JPH4: variants seen among roughly 807,000 people sequenced by gnomAD.
JPH4 encodes junctophilin-4.
In JPH4, 18 loss-of-function variants were observed where a neutral mutation model predicts 57.6. The observed-to-expected ratio is 0.31, with a 90% confidence interval of 0.22 to 0.46. JPH4 has a LOEUF of 0.46. Among genes scored for constraint, JPH4 ranks in the 20% least tolerant of loss-of-function variants. The pLI, the probability that JPH4 is intolerant of heterozygous loss-of-function variation, is 1.00. For synonymous variants in JPH4, 425 were observed against 406.6 expected, an observed-to-expected ratio of 1.05 and a Z score of -0.54; for missense variants, 727 against 911.1, an observed-to-expected ratio of 0.80 and a Z score of 2.60.
intron 3 of JPH4, chr14:23,572,762 A>G: frequency 1.5e-6 from 1 of 652,854 alleles, no homozygotes; most frequent in East Asian, 2.7e-5. Flanking sequence ...CTAACATGCA[A>G]TATGCTTTCT....
rs1444528273 is a variant in JPH4 at position 23,569,721 on chromosome 14, G to A, written c.1804-4C>T. 5.2e-6 allele frequency: 8 copies of A among 1,545,786 alleles called. No homozygotes were observed. In the Admixed American group the frequency reaches 1.2e-4, roughly 23 times the overall value. On this transcript the variant is annotated splice_region_variant and splice_polypyrimidine_tract_variant and intron_variant, in intron 5 of 5. Transcript: ENST00000356300. This position sits in a 1 kb window ranked among gnomAD's most constrained non-coding sequence, Gnocchi z 4.8. ...CCACCAGGGGGTTGGCAGCTCCCTA[G>A]AGAGACAGAGGGGGAAGCAGACTCA...
chr14:23,569,511 AGAAAG>A lies in JPH4; in HGVS notation c.*118_*122del. ...AGAAAAAAACAAAGGAGCACAGAAA[AGAAAG>A]GAAGAAGAGAAAGAAAGATAGGAGA... On this transcript the variant is annotated 3_prime_UTR_variant, in exon 6 of 6. Transcript: ENST00000356300. The surrounding 1 kb of genome is among the most constrained non-coding windows in gnomAD (Gnocchi z 4.8). The A allele has an allele frequency of 2.8e-6, 2 of 713,578 alleles. No individual in the cohort carries two copies. Among genetic ancestry groups the A allele is most frequent in the South Asian group, 3.2e-5 (2 of 62,186 alleles). 44.2% of individuals were successfully genotyped at this position (713,578 alleles called of 1,614,324 possible).
At position 23,569,716 on chromosome 14, in the gene JPH4, C is replaced by T; in HGVS notation, c.1805G>A (p.Gly602Glu). The change falls in exon 6 of 6, where the codon GGA (glycine) becomes GAA (glutamate). Residue 602 changes from glycine to glutamate, a missense_variant and splice_region_variant. This residue lies in a region of JPH4 where 293 missense variants were observed against 279.8 expected (regional missense o/e 1.05). Transcript: ENST00000356300. This position sits in a 1 kb window ranked among gnomAD's most constrained non-coding sequence, Gnocchi z 4.8. ...TCCCACCACCAGGGGGTTGGCAGCT[C>T]CCTAGAGAGACAGAGGGGGAAGCAG... is the stretch of plus-strand genomic sequence containing the variant. ...PAATERPAQP[G>E]AANPLVVGAV... The T allele has an allele frequency of 1.3e-6, 2 of 1,548,336 alleles. No homozygotes were observed. Among genetic ancestry groups the T allele is most frequent in the Non-Finnish European group, 1.7e-6 (2 of 1,145,364 alleles).
rs1392711744 is a variant in JPH4, at chr14:23,568,430, C to G, written c.*1204G>C. On this transcript the variant is annotated 3_prime_UTR_variant, in exon 6 of 6. Transcript: ENST00000356300. Reference sequence around the variant, plus strand: ...GAGAGGGATCAGCCACAACCTCAAACAGGGCTCTCCACCCACCTGTCACCC... The same window carrying G: ...GAGAGGGATCAGCCACAACCTCAAAGAGGGCTCTCCACCCACCTGTCACCC... 2 of 985,692 alleles carry G rather than the reference C, an allele frequency of 2.0e-6. No individual in the cohort carries two copies. Among genetic ancestry groups the G allele is most frequent in the Non-Finnish European group, 2.4e-6 (2 of 829,998 alleles). The allele number at this position is 985,692 out of a possible 1,614,324, so 61.1% of individuals were successfully genotyped here.
At position 23,578,207 on chromosome 14, in the gene JPH4, C is replaced by T. The variant is rs1471821809; in HGVS notation, c.-199G>A. 6.6e-6 allele frequency: 1 copy of T among 152,220 alleles called. No individual in the cohort carries two copies. Among genetic ancestry groups the T allele is most frequent in the African/African-American group, 2.4e-5 (1 of 41,294 alleles). 9.4% of individuals were successfully genotyped at this position (152,220 alleles called of 1,614,324 possible). ...TGTGGGCTGGGGCTCAGGCTGCCTCCCCGGCACAGCATCCATGGCAGGATA... is the reference window on the plus strand; with the variant it reads ...TGTGGGCTGGGGCTCAGGCTGCCTCTCCGGCACAGCATCCATGGCAGGATA... On this transcript the variant is annotated 5_prime_UTR_variant, in exon 1 of 6. Transcript: ENST00000356300.
At position 23,576,506 on chromosome 14, in the gene JPH4, T is replaced by C; in HGVS notation, c.380-50A>G. On this transcript the variant is annotated intron_variant, in intron 2 of 5. Coordinates refer to ENST00000356300, the MANE Select transcript of JPH4 (RefSeq NM_001146028.2). The surrounding 1 kb of genome is among the most constrained non-coding windows in gnomAD (Gnocchi z 8.0). ...AAAGAGTCAGGACGTGCCGCTGGGC[T>C]CCTTGCGCCCCAAGTCCCAAGCGCC... is the stretch of plus-strand genomic sequence containing the variant. 2 of 1,338,214 alleles carry C rather than the reference T, an allele frequency of 1.5e-6. No homozygotes were observed. The highest frequency in any genetic ancestry group is 1.9e-6 in the Non-Finnish European group (2 of 1,045,122). 82.9% of individuals were successfully genotyped at this position (1,338,214 alleles called of 1,614,324 possible). A position where few individuals can be genotyped will look rare whatever the true frequency, so the allele number is the denominator to read the frequency against.
At position 23,577,043 on chromosome 14, in the gene JPH4, GCAGA is replaced by G; in HGVS notation, c.379+28_379+31del. 6.8e-7 allele frequency: 1 copy of G among 1,480,322 alleles called. No homozygotes were observed. The highest frequency in any genetic ancestry group is 1.4e-5 in the South Asian group (1 of 73,688). The allele number at this position is 1,480,322 out of a possible 1,614,324, so 91.7% of individuals were successfully genotyped here. On this transcript the variant is annotated intron_variant, in intron 2 of 5. Transcript: ENST00000356300. The surrounding 1 kb of genome is among the most constrained non-coding windows in gnomAD (Gnocchi z 8.4). Reference sequence around the variant, plus strand: ...GGCTGGGGAAGGCGCACGCGGACGAGCAGACAGACACTGGTGGGCCGGGCCCCGC... The same window carrying G: ...GGCTGGGGAAGGCGCACGCGGACGAGCAGACACTGGTGGGCCGGGCCCCGC...
Position 23,576,325 on chromosome 14 carries a change from G to A in JPH4, c.511C>T (p.Pro171Ser). 17 of 1,294,998 alleles carry A rather than the reference G, an allele frequency of 1.3e-5. No individual in the cohort carries two copies. Among genetic ancestry groups the A allele is most frequent in the Non-Finnish European group, 1.7e-5 (17 of 1,024,352 alleles). The allele number at this position is 1,294,998 out of a possible 1,614,324, so 80.2% of individuals were successfully genotyped here. A position where few individuals can be genotyped will look rare whatever the true frequency, so the allele number is the denominator to read the frequency against. Residue 171 changes from proline (P) to serine (S), a missense_variant, in exon 3 of 6, where the codon CCG (proline) becomes TCG (serine). Physicochemically the swap from Pro to Ser is moderately conservative, Grantham distance 74 (BLOSUM62 -1). Coordinates refer to ENST00000356300, the MANE Select transcript of JPH4 (RefSeq NM_001146028.2). The surrounding 1 kb of genome is among the most constrained non-coding windows in gnomAD (Gnocchi z 8.0). The part of the protein sequence containing the change: ...TSLDSGHSDP[P>S]TPPPPLPLPG... ...AAGGGCAGGGGCGGGGGTGGCGTCG[G>A]GGGGTCGCTGTGGCCGGAATCCAGG... is the stretch of plus-strand genomic sequence containing the variant.
chr14:23,572,053 G>A (rs528065306), intron 3 of JPH4, 133 bp from the exon 4 acceptor site: 59 of 754,054 alleles, frequency 7.8e-5, no homozygotes, highest in African/African-American at 5.6e-4. Flanking sequence ...GTCACCCTTC[G>A]CCACACTCTG....
chr14:23,577,000 TGGC>T lies in JPH4; in HGVS notation c.379+72_379+74del. ...AGAAGGATGGGCGCAAGGGCGCAAA[TGGC>T]GGGCGAAGGCCCAAGGCTGGGGAAG... On this transcript the variant is annotated intron_variant, in intron 2 of 5. Coordinates refer to ENST00000356300, the MANE Select transcript of JPH4 (RefSeq NM_001146028.2). This position sits in a 1 kb window ranked among gnomAD's most constrained non-coding sequence, Gnocchi z 8.0. 1 of 1,395,106 alleles carries T rather than the reference TGGC, an allele frequency of 7.2e-7. No individual in the cohort carries two copies. Among genetic ancestry groups the T allele is most frequent in the Non-Finnish European group, 9.3e-7 (1 of 1,076,996 alleles). The allele number at this position is 1,395,106 out of a possible 1,614,324, so 86.4% of individuals were successfully genotyped here. A position where few individuals can be genotyped will look rare whatever the true frequency, so the allele number is the denominator to read the frequency against.
Position 23,571,084 on chromosome 14 carries a change from A to T in JPH4, c.1647T>A (p.Asp549Glu). ...SGSLREEEGE[D>E]EEPLPPLRAP... ...CCCTCAGCGGGGGCAGGGGCTCTTC[A>T]TCCTCCCCCTCCTCCTCTCGAAGAC... Residue 549 changes from aspartate (D) to glutamate (E), a missense_variant, in exon 5 of 6, where the codon GAT (aspartate) becomes GAA (glutamate). Asp to Glu is a conservative substitution (Grantham distance 45). Around this residue, in one of 7 missense-constraint regions of JPH4, gnomAD observed 293 missense variants for 279.8 expected, o/e 1.05. Coordinates refer to ENST00000356300, the MANE Select transcript of JPH4 (RefSeq NM_001146028.2). This position sits in a 1 kb window ranked among gnomAD's most constrained non-coding sequence, Gnocchi z 4.6. 2 of 1,613,480 alleles carry T rather than the reference A, an allele frequency of 1.2e-6. No homozygotes were observed. The highest frequency in any genetic ancestry group is 1.7e-6 in the Non-Finnish European group (2 of 1,179,682).
Position 23,568,500 on chromosome 14 carries a change from C to A in JPH4, c.*1134G>T, listed in dbSNP as rs1382866252. The A allele has an allele frequency of 7.1e-6, 7 of 985,682 alleles. No homozygotes were observed. Among genetic ancestry groups the A allele is most frequent in the Non-Finnish European group, 8.4e-6 (7 of 830,000 alleles). The allele number at this position is 985,682 out of a possible 1,614,324, so 61.1% of individuals were successfully genotyped here. On this transcript the variant is annotated 3_prime_UTR_variant, in exon 6 of 6. Transcript: ENST00000356300. ...GCCCTGCCTGGGAAGCATGTGAGAT[C>A]AGCTATCTTTGATCCCCTCCTTCTG...
rs987801070 is a variant in JPH4, at chr14:23,575,267, G to A, written c.1151+418C>T. ...GAAGGGACAGTCCCTATTCCACCCAGGGTTGATGCTCCCAGCCTGAGGCCT... is the reference window on the plus strand; with the variant it reads ...GAAGGGACAGTCCCTATTCCACCCAAGGTTGATGCTCCCAGCCTGAGGCCT... On this transcript the variant is annotated intron_variant, in intron 3 of 5. Coordinates refer to ENST00000356300, the MANE Select transcript of JPH4 (RefSeq NM_001146028.2). This position sits in a 1 kb window ranked among gnomAD's most constrained non-coding sequence, Gnocchi z 6.9. 8.6e-6 allele frequency: 2 copies of A among 232,596 alleles called. No homozygotes were observed. The highest frequency in any genetic ancestry group is 1.7e-5 in the Non-Finnish European group (2 of 118,082). 14.4% of individuals were successfully genotyped at this position (232,596 alleles called of 1,614,324 possible). A position where few individuals can be genotyped will look rare whatever the true frequency, so the allele number is the denominator to read the frequency against.
Position 23,571,693 on chromosome 14 carries a change from T to A in JPH4, c.1270+109A>T. 1 of 1,169,438 alleles carries A rather than the reference T, an allele frequency of 8.6e-7. No individual in the cohort carries two copies. The highest frequency in any genetic ancestry group is 2.3e-5 in the East Asian group (1 of 42,650). 72.4% of individuals were successfully genotyped at this position (1,169,438 alleles called of 1,614,324 possible). ...TTCCTTGCACCCTCATTCCTTGTTT[T>A]TTCCCATCCCCACTTCCCTTGCAGG... is the stretch of plus-strand genomic sequence containing the variant. On this transcript the variant is annotated intron_variant, in intron 4 of 5. Coordinates refer to ENST00000356300, the MANE Select transcript of JPH4 (RefSeq NM_001146028.2). This position sits in a 1 kb window ranked among gnomAD's most constrained non-coding sequence, Gnocchi z 4.6.
chr14:23,571,184 T>A lies in JPH4; in HGVS notation c.1547A>T (p.Asp516Val). Residue 516 changes from aspartate (D) to valine (V), a missense_variant, in exon 5 of 6, where the codon GAT (aspartate) becomes GTT (valine). Coordinates refer to ENST00000356300, the MANE Select transcript of JPH4 (RefSeq NM_001146028.2). This position sits in a 1 kb window ranked among gnomAD's most constrained non-coding sequence, Gnocchi z 4.6. ...AEELAGYEAEDEAGMQGPGPR... is the reference protein window; with the variant it reads ...AEELAGYEAEVEAGMQGPGPR... ...CCCTGGCCCTTGCATCCCAGCCTCATCCTCAGCCTCATAGCCAGCTAGTTC... is the reference window on the plus strand; with the variant it reads ...CCCTGGCCCTTGCATCCCAGCCTCAACCTCAGCCTCATAGCCAGCTAGTTC... The A allele has an allele frequency of 6.2e-7, 1 of 1,613,964 alleles. No individual in the cohort carries two copies. The highest frequency in any genetic ancestry group is 8.5e-7 in the Non-Finnish European group (1 of 1,179,970).
chr14:23,578,052 A>G (rs1889319852), intron 1 of JPH4, 128 bp downstream of exon 1: 1 of 89,692 alleles, frequency 1.1e-5, no homozygotes, highest in Admixed American at 1.7e-4. Context: ...GGACCAAGGT[A>G]GGCAGACGGT....
At position 23,568,242 on chromosome 14, in the gene JPH4, G is replaced by C. The variant is rs1490425608; in HGVS notation, c.*1392C>G. On this transcript the variant is annotated 3_prime_UTR_variant, in exon 6 of 6. Transcript: ENST00000356300. ...AGAGTTTGACTAGAAAAAAAGAAGA[G>C]GGTATGTGTGGTGGGCATTCCTGGG... 1 of 985,700 alleles carries C rather than the reference G, an allele frequency of 1.0e-6. No individual in the cohort carries two copies. The highest frequency in any genetic ancestry group is 1.7e-5 in the African/African-American group (1 of 57,212). The allele number at this position is 985,700 out of a possible 1,614,324, so 61.1% of individuals were successfully genotyped here. A position where few individuals can be genotyped will look rare whatever the true frequency, so the allele number is the denominator to read the frequency against.
Position 23,576,484 on chromosome 14 carries a change from G to A in JPH4, c.380-28C>T. On this transcript the variant is annotated intron_variant, in intron 2 of 5. Transcript: ENST00000356300. The surrounding 1 kb of genome is among the most constrained non-coding windows in gnomAD (Gnocchi z 8.0). ...GCGGGCGGCGGAGGGGTGGGAGAAAGAGTCAGGACGTGCCGCTGGGCTCCT... is the reference window on the plus strand; with the variant it reads ...GCGGGCGGCGGAGGGGTGGGAGAAAAAGTCAGGACGTGCCGCTGGGCTCCT... The A allele has an allele frequency of 7.2e-7, 1 of 1,380,842 alleles. No individual in the cohort carries two copies. The highest frequency in any genetic ancestry group is 9.3e-7 in the Non-Finnish European group (1 of 1,074,882). 85.5% of individuals were successfully genotyped at this position (1,380,842 alleles called of 1,614,324 possible). A position where few individuals can be genotyped will look rare whatever the true frequency, so the allele number is the denominator to read the frequency against.
In JPH4 at chr14:23,569,583, A is replaced by T. The variant is rs1464231009; in HGVS notation, c.*51T>A. 1 of 1,270,522 alleles carries T rather than the reference A, an allele frequency of 7.9e-7. No individual in the cohort carries two copies. The highest frequency in any genetic ancestry group is 2.5e-5 in the East Asian group (1 of 39,556). 78.7% of individuals were successfully genotyped at this position (1,270,522 alleles called of 1,614,324 possible). A position where few individuals can be genotyped will look rare whatever the true frequency, so the allele number is the denominator to read the frequency against. ...AGGAGAAGAGAAAAAAGGCAGGTCA[A>T]AGGGGTGAAGAGGCACGCAACCAAA... On this transcript the variant is annotated 3_prime_UTR_variant, in exon 6 of 6. Transcript: ENST00000356300. The surrounding 1 kb of genome is among the most constrained non-coding windows in gnomAD (Gnocchi z 4.8).
Sources: gnomAD v4.1 joint callset for allele counts on GRCh38, gnomAD v4.1.1 for gene constraint, gnomAD v4.1.1 regional missense constraint, Gnocchi (gnomAD v3.1) non-coding constraint, MANE v1.5 for transcripts, NCBI Gene and HGNC (gene_info 2026-07-23, HGNC 2026-07-21) for gene names.